PPP2R5E: variants seen among roughly 807,000 people sequenced by gnomAD.
PPP2R5E encodes serine/threonine-protein phosphatase 2A 56 kDa regulatory subunit epsilon isoform.
PPP2R5E carries 4 observed loss-of-function variants against 65.3 expected under a neutral mutation model. That is an observed-to-expected ratio of 0.06 (90% CI 0.03 to 0.14). PPP2R5E has a LOEUF of 0.14. Among genes scored for constraint, PPP2R5E ranks in the 10% least tolerant of loss-of-function variants. The pLI is 1.00. For missense variants in PPP2R5E, 274 were observed against 556.1 expected, an observed-to-expected ratio of 0.49 and a Z score of 5.10; for synonymous variants, 183 against 187.4, an observed-to-expected ratio of 0.98 and a Z score of 0.19.
At chr14:63,439,053 T>C (rs1313001117) in intron 3 of PPP2R5E, among the ~76,000 whole-genome samples, 1 of 151,662 alleles carries the variant, frequency 6.6e-6, no homozygotes, top group Non-Finnish European at 1.5e-5. Context: ...AGACAAAAGA[T>C]ATGGAAAGTC....
At chr14:63,400,190 C>T (rs1002600130) in intron 5 of PPP2R5E, among the ~76,000 whole-genome samples, 33 of 152,116 alleles carry the variant, frequency 2.2e-4, no homozygotes, top group African/African-American at 5.8e-4. Context: ...AGCCAGTGGG[C>T]GAGCTGTCAG....
intron 2 of PPP2R5E, among the ~76,000 whole-genome samples, chr14:63,495,124 AC>A (rs201543958): frequency 0.013 from 1,891 of 150,020 alleles, 38 homozygotes; most frequent in African/African-American, 0.045. Flanking sequence ...AATCACTTGA[AC>A]CCGGGAGGAG....
chr14:63,454,758 T>C (rs566327920), intron 2 of PPP2R5E, among the ~76,000 whole-genome samples: 84 of 152,352 alleles, frequency 5.5e-4, no homozygotes, highest in African/African-American at 2.0e-3. Flanking sequence ...CTATCTTCTT[T>C]CCAATATTTC....
At chr14:63,406,571 C>G (rs1886106696) in intron 5 of PPP2R5E, among the ~76,000 whole-genome samples, 1 of 152,214 alleles carries the variant, frequency 6.6e-6, no homozygotes, top group African/African-American at 2.4e-5. Context: ...CAGCAGGATC[C>G]AAGCTCTCTA....
At position 63,372,319 on chromosome 14, in the gene PPP2R5E, A is replaced by C. The variant is rs1471195557; in HGVS notation, c.*3690T>G. On this transcript the variant is annotated 3_prime_UTR_variant, in exon 14 of 14. Coordinates refer to ENST00000337537, the MANE Select transcript of PPP2R5E (RefSeq NM_006246.5). ...AAAATTAAATATAGAGGAATATAAA[A>C]TGCAATGCCAATATACCTACTACAA... 6.6e-6 allele frequency: 1 copy of C among 152,188 alleles called. No homozygotes were observed. The highest frequency in any genetic ancestry group is 1.5e-5 in the Non-Finnish European group (1 of 68,020). The allele number at this position is 152,188 out of a possible 1,614,324, so 9.4% of individuals were successfully genotyped here. A position where few individuals can be genotyped will look rare whatever the true frequency, so the allele number is the denominator to read the frequency against.
chr14:63,433,228 G>A (rs1887785159), intron 3 of PPP2R5E, among the ~76,000 whole-genome samples: 1 of 151,610 alleles, frequency 6.6e-6, no homozygotes, highest in Non-Finnish European at 1.5e-5. Flanking sequence ...AGTAGAGATG[G>A]GATTTCACCA....
intron 2 of PPP2R5E, among the ~76,000 whole-genome samples, chr14:63,475,445 TAAATC>T (rs1197851540): frequency 2.0e-5 from 3 of 152,236 alleles, no homozygotes; most frequent in Admixed American, 2.0e-4. Flanking sequence ...TACAAATACT[TAAATC>T]AAAGACCAAT....
At chr14:63,439,853 T>C (rs532258573) in intron 3 of PPP2R5E, among the ~76,000 whole-genome samples, 35 of 152,320 alleles carry the variant, frequency 2.3e-4, no homozygotes, top group Admixed American at 7.2e-4. Context: ...AACCTAAGGA[T>C]TCCTTGGCAG....
chr14:63,505,877 A>T (rs1250085227), intron 2 of PPP2R5E, among the ~76,000 whole-genome samples: 1 of 152,184 alleles, frequency 6.6e-6, no homozygotes, highest in Admixed American at 6.5e-5. Flanking sequence ...ATTACAAAGC[A>T]ATGTGGGGAG....
At chr14:63,466,040 G>A (rs2139532690) in intron 2 of PPP2R5E, among the ~76,000 whole-genome samples, 1 of 152,214 alleles carries the variant, frequency 6.6e-6, no homozygotes, top group African/African-American at 2.4e-5. Flanking sequence ...AATAAAAGGA[G>A]ACATTATTTT....
At chr14:63,480,443 G>A (rs554841082) in intron 2 of PPP2R5E, among the ~76,000 whole-genome samples, 5 of 152,202 alleles carry the variant, frequency 3.3e-5, no homozygotes, top group South Asian at 4.2e-4. Context: ...GCAACAGAGC[G>A]AGACCCTGTC....
At chr14:63,475,591 A>C (rs571363466) in intron 2 of PPP2R5E, among the ~76,000 whole-genome samples, 1 of 152,204 alleles carries the variant, frequency 6.6e-6, no homozygotes, top group Non-Finnish European at 1.5e-5. Flanking sequence ...AGTTTACAAA[A>C]ATTATTTATA....
At chr14:63,414,436 A>G (rs1227685545) in intron 5 of PPP2R5E, among the ~76,000 whole-genome samples, 1 of 152,162 alleles carries the variant, frequency 6.6e-6, no homozygotes, top group Non-Finnish European at 1.5e-5. Context: ...CTCAGAAGAG[A>G]GCTACACCAG....
chr14:63,408,881 G>C (rs1886232906), intron 5 of PPP2R5E, among the ~76,000 whole-genome samples: 2 of 152,222 alleles, frequency 1.3e-5, no homozygotes, highest in Admixed American at 1.3e-4. Flanking sequence ...GATCACTTGA[G>C]TCCAGGAGTT....
At chr14:63,499,166 T>G (rs1227277429) in intron 2 of PPP2R5E, among the ~76,000 whole-genome samples, 4 of 152,158 alleles carry the variant, frequency 2.6e-5, no homozygotes, top group African/African-American at 9.7e-5. Context: ...AGAGAGAAGG[T>G]TGGTTTTGGT....
At chr14:63,396,760 G>T in intron 5 of PPP2R5E, 44 bp from the exon 6 acceptor site, 4 of 1,594,930 alleles carry the variant, frequency 2.5e-6, no homozygotes, top group Non-Finnish European at 3.4e-6. Context: ...GGCGGTTTCA[G>T]AAAAGGATTT....
At chr14:63,390,320 A>G (rs994648277) in intron 10 of PPP2R5E, among the ~76,000 whole-genome samples, 1 of 151,848 alleles carries the variant, frequency 6.6e-6, no homozygotes, top group African/African-American at 2.4e-5. Flanking sequence ...ACACACACAC[A>G]CACACACACA....
chr14:63,520,489 T>C (rs1043216440), intron 2 of PPP2R5E, among the ~76,000 whole-genome samples: 2 of 152,200 alleles, frequency 1.3e-5, no homozygotes, highest in Non-Finnish European at 2.9e-5. Flanking sequence ...AATATCTATC[T>C]CTCCAAATAT....
chr14:63,532,731 C>A (rs1420047125), intron 2 of PPP2R5E, among the ~76,000 whole-genome samples: 3 of 152,176 alleles, frequency 2.0e-5, no homozygotes, highest in Non-Finnish European at 4.4e-5. Flanking sequence ...CCAAGGCAAC[C>A]CAGCTAGTGG....
Sources: allele counts gnomAD v4.1 joint callset (sites outside exome capture counted in the v4.1 genomes callset), GRCh38; gene constraint gnomAD v4.1.1; transcripts MANE v1.5; gene names NCBI Gene and HGNC (gene_info 2026-07-23, HGNC 2026-07-21).